NCALD: variants seen among roughly 807,000 people sequenced by gnomAD.
NCALD encodes neurocalcin-delta.
A neutral mutation model predicts 18.6 loss-of-function variants in NCALD; 10 were observed. The observed-to-expected ratio is 0.54, with a 90% CI of 0.33 to 0.91. The LOEUF (loss-of-function observed/expected upper bound fraction) is 0.91, where lower values mean the gene tolerates loss of function less well. Ranked by LOEUF, NCALD falls within the 40% of genes least tolerant of loss-of-function variation. NCALD has a pLI of 0.03. For synonymous variants in NCALD, 88 were observed against 87.4 expected (o/e 1.01, Z -0.04); for missense variants, 184 against 247.6 (o/e 0.74, Z 1.72).
chr8:101,815,541 CAT>C (rs1813463090), intron 4 of NCALD, among the ~76,000 whole-genome samples: 1 of 152,070 alleles, frequency 6.6e-6, no homozygotes, highest in Non-Finnish European at 1.5e-5. Flanking sequence ...GGCAAGTAAT[CAT>C]ATGAAAAGAT....
At chr8:101,879,394 G>A (rs189233645) in intron 4 of NCALD, among the ~76,000 whole-genome samples, 12 of 152,194 alleles carry the variant, frequency 7.9e-5, no homozygotes, top group East Asian at 5.8e-4. Context: ...TCTTAAGGCC[G>A]CCAGTCTGGA....
intron 1 of NCALD, among the ~76,000 whole-genome samples, chr8:101,725,641 G>T (rs1242103896): frequency 6.6e-6 from 1 of 152,152 alleles, no homozygotes; most frequent in Non-Finnish European, 1.5e-5. Context: ...ACTAGACACT[G>T]CTGTGGGGCT....
At chr8:102,071,480 G>A (rs1210619106) in intron 1 of NCALD, among the ~76,000 whole-genome samples, 2 of 152,126 alleles carry the variant, frequency 1.3e-5, no homozygotes, top group African/African-American at 2.4e-5. Context: ...ACAGTCCGAA[G>A]GGGAGAAAAA....
chr8:101,725,233 C>A (rs112543971), intron 1 of NCALD, among the ~76,000 whole-genome samples: 2 of 152,338 alleles, frequency 1.3e-5, no homozygotes, highest in African/African-American at 4.8e-5. Flanking sequence ...AACCCCAGAT[C>A]TCAGCTGGCA....
At chr8:101,813,032 G>A (rs1005257183) in intron 4 of NCALD, among the ~76,000 whole-genome samples, 65 of 152,048 alleles carry the variant, frequency 4.3e-4, no homozygotes, top group Non-Finnish European at 2.8e-4. Flanking sequence ...TCTTCAATGG[G>A]TGCTTTCTGT....
rs188001674 is a variant in NCALD, at chr8:101,707,372, T to C, written c.378+11880A>G. ...CAGTCTGGAAATGAGTGTGGATTAG[T>C]CTGTGTGTTCATCTGGTGCCCGAGG... On this transcript the variant is annotated intron_variant, in intron 2 of 3. Coordinates refer to ENST00000220931, the MANE Select transcript of NCALD (RefSeq NM_032041.3). 3.0e-3 allele frequency among the ~76,000 whole-genome samples: 461 copies of C among 152,304 alleles called. 6 individuals are homozygous for C. Among genetic ancestry groups the C allele is most frequent in the Non-Finnish European group, 5.4e-4 (37 of 68,032 alleles).
intron 1 of NCALD, among the ~76,000 whole-genome samples, chr8:101,736,977 T>C (rs1443809576): frequency 6.6e-6 from 1 of 152,194 alleles, no homozygotes; most frequent in East Asian, 1.9e-4. Context: ...TCTCAGTTGT[T>C]TTATTGCTGT....
chr8:101,713,509 A>G (rs1373302644), intron 2 of NCALD, among the ~76,000 whole-genome samples: 1 of 151,598 alleles, frequency 6.6e-6, no homozygotes, highest in Non-Finnish European at 1.5e-5. Context: ...TTTTGAAAAG[A>G]TTAACAAAAT....
At chr8:102,122,841 C>A (rs948308645) in intron 1 of NCALD, among the ~76,000 whole-genome samples, 5 of 152,230 alleles carry the variant, frequency 3.3e-5, no homozygotes, top group Admixed American at 6.5e-5. Context: ...AATACAGTTA[C>A]AGACAGAGGG....
At chr8:101,971,209 C>G (rs1035119732) in intron 2 of NCALD, among the ~76,000 whole-genome samples, 1 of 152,072 alleles carries the variant, frequency 6.6e-6, no homozygotes, top group Non-Finnish European at 1.5e-5. Flanking sequence ...ACAGAATGGA[C>G]TAAGACAGAT....
intron 2 of NCALD, among the ~76,000 whole-genome samples, chr8:101,929,269 G>A (rs1586770532): frequency 1.4e-4 from 8 of 55,476 alleles, no homozygotes; most frequent in Non-Finnish European, 1.7e-4. Flanking sequence ...TGGAGGAAGG[G>A]ATGGAGGGAG....
At chr8:102,084,462 T>C (rs1349027886) in intron 1 of NCALD, among the ~76,000 whole-genome samples, 2 of 152,210 alleles carry the variant, frequency 1.3e-5, no homozygotes, top group Admixed American at 1.3e-4. Context: ...AGGGGGCGAC[T>C]TGAGAGAGTC....
At chr8:101,970,046 G>A (rs1820180893) in intron 2 of NCALD, among the ~76,000 whole-genome samples, 1 of 152,086 alleles carries the variant, frequency 6.6e-6, no homozygotes, top group Non-Finnish European at 1.5e-5. Flanking sequence ...ATAATGAAGA[G>A]AAGGAGAAGA....
rs930198149 is a variant in NCALD, at chr8:101,856,928, C to T, written c.-20+30213G>A. 6.6e-5 allele frequency among the ~76,000 whole-genome samples: 10 copies of T among 152,204 alleles called. No individual in the cohort carries two copies. The East Asian group carries it at 1.9e-3, about 29-fold the overall frequency. On this transcript the variant is annotated intron_variant, in intron 4 of 6. Transcript: ENST00000311028. ...TGATACAGCCTTATCTACTTTGACT[C>T]TCTTCCCCACTCCTCAGGTAAACTA... is the stretch of plus-strand genomic sequence containing the variant.
intron 1 of NCALD, among the ~76,000 whole-genome samples, chr8:102,091,712 G>A (rs999766220): frequency 4.6e-5 from 7 of 152,072 alleles, no homozygotes; most frequent in East Asian, 1.9e-4. Flanking sequence ...TTCTTAAATC[G>A]AACAATTATT....
intron 1 of NCALD, among the ~76,000 whole-genome samples, chr8:102,028,752 G>C (rs1275582999): frequency 2.6e-5 from 4 of 152,182 alleles, no homozygotes; most frequent in Non-Finnish European, 5.9e-5. Context: ...TAAAAGATGA[G>C]TATGATGCAG....
chr8:101,848,792 G>C (rs1048873095), intron 4 of NCALD, among the ~76,000 whole-genome samples: 9 of 152,104 alleles, frequency 5.9e-5, no homozygotes, highest in African/African-American at 2.2e-4. Context: ...CTACAACATT[G>C]CTTCTAAGAA....
chr8:101,887,448 A>G (rs1816716153), intron 3 of NCALD, among the ~76,000 whole-genome samples: 1 of 152,192 alleles, frequency 6.6e-6, no homozygotes. Flanking sequence ...CACAGTCTCC[A>G]AAGAGTAGGA....
chr8:101,781,960 C>G (rs1444948425), intron 1 of NCALD, among the ~76,000 whole-genome samples: 1 of 151,678 alleles, frequency 6.6e-6, no homozygotes, highest in Non-Finnish European at 1.5e-5. Flanking sequence ...ATGCAATGCA[C>G]TCATAACTTA....
Sources: gnomAD v4.1 joint callset for allele counts (sites outside exome capture counted in the v4.1 genomes callset) on GRCh38, gnomAD v4.1.1 for gene constraint, MANE v1.5 for transcripts, NCBI Gene and HGNC (gene_info 2026-07-23, HGNC 2026-07-21) for gene names.